Variants in RSPO2 observed in about 807,000 individuals in gnomAD.
The protein encoded by RSPO2 is R-spondin 2, also known as R-spondin-2.
Under a neutral mutation model 30.9 loss-of-function variants are expected in RSPO2, and 14 were observed. The ratio of observed to expected loss-of-function variants is 0.45; its 90% CI spans 0.30 to 0.71. RSPO2 has a LOEUF of 0.71. Among genes scored for constraint, RSPO2 ranks in the 30% least tolerant of loss-of-function variants. The pLI is 0.08. For missense variants in RSPO2, 264 were observed against 301.9 expected (o/e 0.87, Z 0.93); for synonymous variants, 107 against 96.4 (o/e 1.11, Z -0.64).
chr8:107,975,278 C>T (rs967745944), intron 3 of RSPO2, among the ~76,000 whole-genome samples: 2 of 152,154 alleles, frequency 1.3e-5, no homozygotes, highest in Non-Finnish European at 2.9e-5. Context: ...AAAATAGTTT[C>T]AATTTACAGT....
At chr8:108,071,035 TCAA>T (rs746292507) in intron 2 of RSPO2, among the ~76,000 whole-genome samples, 2 of 150,776 alleles carry the variant, frequency 1.3e-5, no homozygotes, top group South Asian at 2.2e-4. Context: ...CTCTCTGAAT[TCAA>T]CAACAACAAA....
rs543982386 is a variant in RSPO2 at position 108,010,499 on chromosome 8, T to G, written c.95-21255A>C. On this transcript the variant is annotated intron_variant, in intron 2 of 5. Coordinates refer to ENST00000276659, the MANE Select transcript of RSPO2 (RefSeq NM_178565.5). ...ATGTCCTCTTGAGCCCGAAGCAGTA[T>G]AGTAAGCCATCCAAAATATCTTACA... Among the ~76,000 whole-genome samples, 8 of 152,188 alleles carry G rather than the reference T, an allele frequency of 5.3e-5. No homozygotes were observed. The South Asian group carries it at 1.2e-3, about 24-fold the overall frequency.
intron 2 of RSPO2, among the ~76,000 whole-genome samples, chr8:108,071,144 G>A (rs1812832058): frequency 6.6e-6 from 1 of 152,134 alleles, no homozygotes; most frequent in Admixed American, 6.5e-5. Flanking sequence ...ATCACCCATA[G>A]TAGCTGCAAA....
chr8:107,921,855 C>A (rs981132706), intron 5 of RSPO2, among the ~76,000 whole-genome samples: 19 of 151,990 alleles, frequency 1.3e-4, no homozygotes, highest in African/African-American at 4.6e-4. Flanking sequence ...TACAAAAAAA[C>A]ACATGATTAC....
chr8:108,035,823 A>G (rs1482037348), intron 2 of RSPO2, among the ~76,000 whole-genome samples: 1 of 152,112 alleles, frequency 6.6e-6, no homozygotes, highest in African/African-American at 2.4e-5. Flanking sequence ...AGACTGTTTC[A>G]GTTTCGCTGG....
chr8:108,041,480 A>T (rs1811757646), intron 2 of RSPO2, among the ~76,000 whole-genome samples: 1 of 152,116 alleles, frequency 6.6e-6, no homozygotes, highest in South Asian at 2.1e-4. Flanking sequence ...CAAAAGCAAC[A>T]GGCCCCACCT....
chr8:107,955,931 T>A (rs1241894020), intron 5 of RSPO2, among the ~76,000 whole-genome samples: 1 of 152,186 alleles, frequency 6.6e-6, no homozygotes, highest in African/African-American at 2.4e-5. Context: ...TTTGCATGGT[T>A]TGTCAAAGCA....
intron 2 of RSPO2, among the ~76,000 whole-genome samples, chr8:108,055,364 T>C (rs1812211988): frequency 1.3e-5 from 2 of 152,076 alleles, no homozygotes; most frequent in Non-Finnish European, 2.9e-5. Context: ...ACAGAGAGGC[T>C]TCCAGGCTAG....
chr8:108,043,224 TAGCGGG>T (rs1348935033), intron 2 of RSPO2, among the ~76,000 whole-genome samples: 1 of 152,122 alleles, frequency 6.6e-6, no homozygotes, highest in East Asian at 1.9e-4. Flanking sequence ...ACTCAATTTG[TAGCGGG>T]AAGTTTGTTT....
At chr8:108,029,583 G>C (rs1486399035) in intron 2 of RSPO2, among the ~76,000 whole-genome samples, 1 of 152,098 alleles carries the variant, frequency 6.6e-6, no homozygotes, top group Non-Finnish European at 1.5e-5. Flanking sequence ...GGCCCAGGAA[G>C]CATCACCTAC....
At chr8:108,077,724 A>G (rs1484536919) in intron 2 of RSPO2, among the ~76,000 whole-genome samples, 2 of 152,110 alleles carry the variant, frequency 1.3e-5, no homozygotes, top group Non-Finnish European at 2.9e-5. Context: ...CATGTTTTCT[A>G]TTTATTCTGG....
rs1037173109 is a variant in RSPO2 at position 107,900,999 on chromosome 8, G to C, written c.*76C>G. 2.0e-5 allele frequency: 30 copies of C among 1,495,808 alleles called. No homozygotes were observed. The highest frequency in any genetic ancestry group is 2.7e-5 in the Non-Finnish European group (30 of 1,092,194). 92.7% of individuals were successfully genotyped at this position (1,495,808 alleles called of 1,614,324 possible). A position where few individuals can be genotyped will look rare whatever the true frequency, so the allele number is the denominator to read the frequency against. ...AGAGCAGCACAAAGGCTGCACACCAGTGTGCAGGAGTGGAGAGTAGCTTTG... is the reference window on the plus strand; with the variant it reads ...AGAGCAGCACAAAGGCTGCACACCACTGTGCAGGAGTGGAGAGTAGCTTTG... On this transcript the variant is annotated 3_prime_UTR_variant, in exon 6 of 6. Coordinates refer to ENST00000276659, the MANE Select transcript of RSPO2 (RefSeq NM_178565.5).
chr8:107,947,128 T>G (rs1813087866), intron 5 of RSPO2, among the ~76,000 whole-genome samples: 1 of 152,246 alleles, frequency 6.6e-6, no homozygotes, highest in South Asian at 2.1e-4. Context: ...CAACCCAATG[T>G]TCCAGGACAC....
intron 2 of RSPO2, among the ~76,000 whole-genome samples, chr8:108,030,952 T>C (rs921231292): frequency 6.6e-6 from 1 of 152,140 alleles, no homozygotes; most frequent in Non-Finnish European, 1.5e-5. Context: ...CTGAAAAAAA[T>C]GGCGAATATT....
At chr8:107,915,675 CTCCT>C (rs1196440880) in intron 5 of RSPO2, among the ~76,000 whole-genome samples, 1 of 152,048 alleles carries the variant, frequency 6.6e-6, no homozygotes, top group Non-Finnish European at 1.5e-5. Context: ...TCAGAGAACC[CTCCT>C]TATTTGTCTG....
chr8:107,911,960 A>G (rs979536375), intron 5 of RSPO2, among the ~76,000 whole-genome samples: 1 of 152,162 alleles, frequency 6.6e-6, no homozygotes, highest in Admixed American at 6.6e-5. Flanking sequence ...CTTGGGTCCC[A>G]TTAGATCCCT....
intron 2 of RSPO2, among the ~76,000 whole-genome samples, chr8:107,990,122 G>A (rs1238648659): frequency 6.6e-6 from 1 of 151,968 alleles, no homozygotes; most frequent in Non-Finnish European, 1.5e-5. Context: ...ACATTACAAT[G>A]AAATGAAAAT....
At position 107,900,457 on chromosome 8, in the gene RSPO2, G is replaced by A. The variant is rs1811417407; in HGVS notation, c.*618C>T. On this transcript the variant is annotated 3_prime_UTR_variant, in exon 6 of 6. Transcript: ENST00000276659. ...AAACAAAGTGGCATCATATTAATCA[G>A]GTATGACTTGTTACCCACAAGAAAG... The A allele has an allele frequency of 6.6e-6, 1 of 152,494 alleles. No homozygotes were observed. The highest frequency in any genetic ancestry group is 1.5e-5 in the Non-Finnish European group (1 of 68,020). The allele number at this position is 152,494 out of a possible 1,614,324, so 9.4% of individuals were successfully genotyped here. A position where few individuals can be genotyped will look rare whatever the true frequency, so the allele number is the denominator to read the frequency against.
intron 2 of RSPO2, among the ~76,000 whole-genome samples, chr8:108,072,860 GA>G (rs1413924432): frequency 6.6e-6 from 1 of 152,116 alleles, no homozygotes; most frequent in Non-Finnish European, 1.5e-5. Context: ...TAAAGAATTC[GA>G]AAAACAATTA....
Sources: allele counts gnomAD v4.1 joint callset (sites outside exome capture counted in the v4.1 genomes callset), GRCh38; gene constraint gnomAD v4.1.1; transcripts MANE v1.5; gene names NCBI Gene and HGNC (gene_info 2026-07-23, HGNC 2026-07-21).